USP34: variants seen among roughly 807,000 people sequenced by gnomAD.
The protein encoded by USP34 is ubiquitin specific peptidase 34.
In USP34, 70 loss-of-function variants were observed where a neutral mutation model predicts 460.3. That is an observed-to-expected ratio of 0.15 (90% CI 0.13 to 0.19). The LOEUF (loss-of-function observed/expected upper bound fraction) is 0.19, where lower values mean the gene tolerates loss of function less well. USP34 is among the 10% of genes least tolerant of loss of function. USP34 has a pLI of 1.00. For missense variants in USP34, 3,985 were observed against 4,236.2 expected (o/e 0.94, Z 1.65); for synonymous variants, 1,647 against 1,405.3 (o/e 1.17, Z -3.85).
chr2:61,427,416 T>A (rs182446167), intron 1 of USP34, among the ~76,000 whole-genome samples: 10 of 152,298 alleles, frequency 6.6e-5, no homozygotes, highest in Admixed American at 6.5e-4. Context: ...AATACCTAAC[T>A]CTTCAATGCC....
chr2:61,278,738 C>CA (rs1042009150), intron 39 of USP34, among the ~76,000 whole-genome samples: 2 of 151,290 alleles, frequency 1.3e-5, no homozygotes, highest in Non-Finnish European at 2.9e-5. Context: ...ACATATGTAA[C>CA]AAACCTTCAC....
chr2:61,378,935 A>AAAAAAAAAC (rs1692885394), intron 7 of USP34, among the ~76,000 whole-genome samples: 7 of 146,110 alleles, frequency 4.8e-5, no homozygotes, highest in Admixed American at 6.9e-5. Context: ...AAAAAAAAAA[A>AAAAAAAAAC]AACAACACTA....
chr2:61,191,416 GTA>G (rs1686639176), intron 76 of USP34: 1 of 151,850 alleles, frequency 6.6e-6, no homozygotes, highest in African/African-American at 2.4e-5. Flanking sequence ...ATGCATATGT[GTA>G]TATCTTATTA....
intron 5 of USP34, among the ~76,000 whole-genome samples, chr2:61,392,623 C>CA (rs908157793): frequency 8.0e-5 from 12 of 150,800 alleles, no homozygotes; most frequent in African/African-American, 2.4e-4. Context: ...GACTCTGTCT[C>CA]AAAAAAACGG....
chr2:61,248,952 A>G (rs1432115242), intron 48 of USP34, among the ~76,000 whole-genome samples: 1 of 152,228 alleles, frequency 6.6e-6, no homozygotes, highest in African/African-American at 2.4e-5. Context: ...AGAGATTAAC[A>G]AGTATTAATA....
At chr2:61,467,722 G>A (rs1396510104) in intron 1 of USP34, among the ~76,000 whole-genome samples, 4 of 140,736 alleles carry the variant, frequency 2.8e-5, no homozygotes, top group Admixed American at 2.3e-4. Context: ...CAGGGTTCAA[G>A]CAATTCTCCT....
At chr2:61,358,473 A>G (rs572149149) in intron 10 of USP34, among the ~76,000 whole-genome samples, 1 of 152,224 alleles carries the variant, frequency 6.6e-6, no homozygotes, top group African/African-American at 2.4e-5. Flanking sequence ...AAAGAGAAAA[A>G]AAATCAACAT....
At chr2:61,201,463 T>C (rs1427249286) in intron 75 of USP34, among the ~76,000 whole-genome samples, 1 of 152,172 alleles carries the variant, frequency 6.6e-6, no homozygotes, top group Non-Finnish European at 1.5e-5. Context: ...TCCGCCCGCC[T>C]TGGCCTCCCA....
At chr2:61,405,434 A>T (rs1693842992) in intron 3 of USP34, among the ~76,000 whole-genome samples, 2 of 152,120 alleles carry the variant, frequency 1.3e-5, no homozygotes, top group African/African-American at 4.8e-5. Flanking sequence ...AAGAGTCATA[A>T]AATAAGCATA....
At position 61,471,081 on chromosome 2, in the gene USP34, G is replaced by A. The variant is rs982262828; in HGVS notation, c.-389C>T. 4.9e-6 allele frequency: 1 copy of A among 204,348 alleles called. No individual in the cohort carries two copies. The highest frequency in any genetic ancestry group is 2.3e-5 in the African/African-American group (1 of 42,972). The allele number at this position is 204,348 out of a possible 1,614,324, so 12.7% of individuals were successfully genotyped here. ...CCGCCGCCATTTTAACAGAGCGCTC[G>A]GGCTGCGCTCGGCTCTTTCCGCCCG... On this transcript the variant is annotated 5_prime_UTR_variant, in exon 1 of 80. Transcript: ENST00000398571.
At chr2:61,427,684 C>G (rs1431971518) in intron 1 of USP34, among the ~76,000 whole-genome samples, 1 of 152,124 alleles carries the variant, frequency 6.6e-6, no homozygotes, top group Non-Finnish European at 1.5e-5. Context: ...CTGAAAAACG[C>G]AATTGGCATA....
intron 8 of USP34, 146 bp from the exon 9 acceptor site, chr2:61,370,725 G>A: frequency 3.0e-6 from 2 of 659,878 alleles, no homozygotes; most frequent in South Asian, 2.1e-5. Context: ...ATACTACAAA[G>A]CATAACTAGA....
At chr2:61,467,103 G>A (rs1346093135) in intron 1 of USP34, among the ~76,000 whole-genome samples, 1 of 151,828 alleles carries the variant, frequency 6.6e-6, no homozygotes, top group Non-Finnish European at 1.5e-5. Context: ...AAGGAGTTCA[G>A]ACCAGCCTGG....
chr2:61,225,278 T>C (rs181352733), intron 62 of USP34, among the ~76,000 whole-genome samples: 1 of 152,188 alleles, frequency 6.6e-6, no homozygotes, highest in East Asian at 1.9e-4. Flanking sequence ...AGTTACTTAT[T>C]TGTTTCATCC....
chr2:61,435,604 A>G (rs1039357515), intron 1 of USP34, among the ~76,000 whole-genome samples: 10 of 152,230 alleles, frequency 6.6e-5, no homozygotes, highest in African/African-American at 1.7e-4. Flanking sequence ...AGAATTTCAT[A>G]TATGGAAGAG....
chr2:61,324,148 A>C (rs1013747821), intron 21 of USP34, among the ~76,000 whole-genome samples: 7 of 152,296 alleles, frequency 4.6e-5, no homozygotes, highest in South Asian at 2.1e-4. Flanking sequence ...AAAAAGAAGA[A>C]TGTAGAGAGT....
At chr2:61,421,634 T>C (rs577664922) in intron 1 of USP34, among the ~76,000 whole-genome samples, 2 of 152,348 alleles carry the variant, frequency 1.3e-5, no homozygotes, top group East Asian at 3.9e-4. Context: ...TAGTGTCTTC[T>C]CTTTAATCCC....
At chr2:61,198,726 G>A (rs761049504) in intron 75 of USP34, among the ~76,000 whole-genome samples, 5 of 152,036 alleles carry the variant, frequency 3.3e-5, no homozygotes, top group African/African-American at 4.8e-5. Flanking sequence ...AAAATTAGCC[G>A]GGTGTGGTGG....
At chr2:61,254,126 A>G (rs1239274955) in intron 48 of USP34, among the ~76,000 whole-genome samples, 3 of 152,214 alleles carry the variant, frequency 2.0e-5, no homozygotes, top group African/African-American at 7.2e-5. Flanking sequence ...AAAACACATC[A>G]CTAAACTACC....
Sources: allele counts gnomAD v4.1 joint callset (sites outside exome capture counted in the v4.1 genomes callset), GRCh38; gene constraint gnomAD v4.1.1; transcripts MANE v1.5; gene names NCBI Gene and HGNC (gene_info 2026-07-23, HGNC 2026-07-21).